The following ZNF385D variants were observed in gnomAD, a reference collection of about 807,000 sequenced individuals.
ZNF385D encodes the protein zinc finger protein 385D, also known as zinc finger protein 659.
A neutral mutation model predicts 35.8 loss-of-function variants in ZNF385D; 15 were observed. The observed-to-expected ratio is 0.42, with a 90% CI of 0.28 to 0.64. The LOEUF (loss-of-function observed/expected upper bound fraction) is 0.64. Among genes scored for constraint, ZNF385D ranks in the 30% least tolerant of loss-of-function variants. The pLI, the probability that ZNF385D is intolerant of heterozygous loss-of-function variation, is 0.23. For synonymous variants in ZNF385D, 212 were observed against 186.8 expected (o/e 1.13, Z -1.10); for missense variants, 474 against 494.6 (o/e 0.96, Z 0.39).
chr3:22,188,350 T>C (rs903344010), intron 2 of ZNF385D, among the ~76,000 whole-genome samples: 1 of 152,158 alleles, frequency 6.6e-6, no homozygotes, highest in Non-Finnish European at 1.5e-5. Context: ...TATAATAGTC[T>C]TGCTTCACAT....
chr3:22,086,719 A>G (rs1045701599), intron 3 of ZNF385D, among the ~76,000 whole-genome samples: 1 of 152,124 alleles, frequency 6.6e-6, no homozygotes, highest in African/African-American at 2.4e-5. Context: ...TTAAGAAAAT[A>G]TGGCACATAT....
At chr3:21,637,021 T>A (rs1328023610) in intron 2 of ZNF385D, among the ~76,000 whole-genome samples, 1 of 152,094 alleles carries the variant, frequency 6.6e-6, no homozygotes, top group Non-Finnish European at 1.5e-5. Flanking sequence ...ATGTATAGAT[T>A]GTGAAGATTT....
At chr3:21,834,020 AAATT>A (rs1450272746) in intron 3 of ZNF385D, among the ~76,000 whole-genome samples, 1 of 152,204 alleles carries the variant, frequency 6.6e-6, no homozygotes, top group African/African-American at 2.4e-5. Flanking sequence ...GGTGATAACT[AAATT>A]AATACACGTA....
At chr3:22,239,178 G>T (rs1379123153) in intron 2 of ZNF385D, among the ~76,000 whole-genome samples, 1 of 151,096 alleles carries the variant, frequency 6.6e-6, no homozygotes. Context: ...TCTAGAACAA[G>T]AGTTGGAAAA....
At chr3:21,766,093 G>C (rs1337392648) in intron 3 of ZNF385D, among the ~76,000 whole-genome samples, 1 of 152,080 alleles carries the variant, frequency 6.6e-6, no homozygotes, top group African/African-American at 2.4e-5. Flanking sequence ...AGTCATACTG[G>C]GAGAATCCAG....
intron 3 of ZNF385D, among the ~76,000 whole-genome samples, chr3:21,789,675 G>T (rs1033251790): frequency 1.3e-5 from 2 of 152,092 alleles, no homozygotes; most frequent in Non-Finnish European, 2.9e-5. Flanking sequence ...AGCCTCATTT[G>T]CCTGTATTTA....
intron 3 of ZNF385D, among the ~76,000 whole-genome samples, chr3:21,973,885 A>C (rs1703431264): frequency 6.6e-6 from 1 of 152,042 alleles, no homozygotes; most frequent in African/African-American, 2.4e-5. Flanking sequence ...AGATCTCTAC[A>C]ATGAAAACTA....
intron 2 of ZNF385D, among the ~76,000 whole-genome samples, chr3:22,332,227 C>T (rs114034890): frequency 0.01 from 1,549 of 152,174 alleles, 35 homozygotes; most frequent in African/African-American, 0.035. Context: ...GATATAAGTT[C>T]ACTCAACGGC....
At chr3:22,238,254 C>T (rs1178683876) in intron 2 of ZNF385D, among the ~76,000 whole-genome samples, 1 of 150,950 alleles carries the variant, frequency 6.6e-6, no homozygotes, top group Non-Finnish European at 1.5e-5. Context: ...TCCAACTTTG[C>T]TTTTTTGGTT....
At chr3:21,571,984 A>G (rs2063348895) in intron 2 of ZNF385D, among the ~76,000 whole-genome samples, 1 of 152,142 alleles carries the variant, frequency 6.6e-6, no homozygotes, top group Non-Finnish European at 1.5e-5. Flanking sequence ...TGCATTATCT[A>G]GGCATGATTG....
At chr3:21,472,286 T>C (rs1703943471) in intron 4 of ZNF385D, among the ~76,000 whole-genome samples, 1 of 152,064 alleles carries the variant, frequency 6.6e-6, no homozygotes, top group Admixed American at 6.6e-5. Flanking sequence ...TCTCTACTCT[T>C]GAAGAGGTTG....
At chr3:21,839,977 T>G (rs1459401486) in intron 3 of ZNF385D, among the ~76,000 whole-genome samples, 2 of 152,106 alleles carry the variant, frequency 1.3e-5, no homozygotes, top group East Asian at 3.9e-4. Context: ...TGTTTGATGC[T>G]TGTGCCTATA....
At chr3:21,938,214 T>C (rs1239841544) in intron 3 of ZNF385D, among the ~76,000 whole-genome samples, 1 of 152,244 alleles carries the variant, frequency 6.6e-6, no homozygotes, top group Admixed American at 6.5e-5. Context: ...AAGTAGGTTT[T>C]GACCCTATAG....
intron 1 of ZNF385D, among the ~76,000 whole-genome samples, chr3:21,715,590 G>C (rs548829827): frequency 1.3e-5 from 2 of 150,114 alleles, no homozygotes; most frequent in South Asian, 4.2e-4. Flanking sequence ...TAAATATATT[G>C]ATTTTTTTTT....
intron 3 of ZNF385D, among the ~76,000 whole-genome samples, chr3:21,801,344 G>C (rs945654356): frequency 3.9e-5 from 6 of 152,130 alleles, no homozygotes; most frequent in African/African-American, 1.4e-4. Context: ...CATAGAATGA[G>C]TTAGGAAGTG....
At chr3:22,136,672 C>T (rs562874370) in intron 3 of ZNF385D, among the ~76,000 whole-genome samples, 13 of 152,134 alleles carry the variant, frequency 8.5e-5, no homozygotes, top group East Asian at 3.9e-4. Flanking sequence ...ATTGCCAAAA[C>T]GTGGGAGCAA....
intron 3 of ZNF385D, among the ~76,000 whole-genome samples, chr3:21,994,869 G>T (rs368953612): frequency 4.6e-5 from 7 of 152,314 alleles, no homozygotes; most frequent in East Asian, 1.9e-4. Flanking sequence ...GGAAGTGGTG[G>T]TAAGGCTTGG....
At position 21,796,271 on chromosome 3, in the gene ZNF385D, C is replaced by T. The variant is rs972370301; in HGVS notation, c.326-131243G>A. On this transcript the variant is annotated intron_variant, in intron 3 of 5. Coordinates refer to the ZNF385D transcript ENST00000494108. ...CACATCTAGCAGCTTAAACCACACA[C>T]ATTTCCTAAATTGTTCTATTAAGAC... Among the ~76,000 whole-genome samples, 4 of 152,176 alleles carry T rather than the reference C, an allele frequency of 2.6e-5. No homozygotes were observed. In the East Asian group the frequency reaches 7.7e-4, roughly 29 times the overall value.
intron 2 of ZNF385D, among the ~76,000 whole-genome samples, chr3:22,228,585 C>G (rs1457858610): frequency 6.6e-6 from 1 of 152,198 alleles, no homozygotes; most frequent in Non-Finnish European, 1.5e-5. Flanking sequence ...TGCCCTGAAG[C>G]ACATCCTTGT....
Sources: allele counts gnomAD v4.1 joint callset (sites outside exome capture counted in the v4.1 genomes callset), GRCh38; gene constraint gnomAD v4.1.1; transcripts MANE v1.5; gene names NCBI Gene and HGNC (gene_info 2026-07-23, HGNC 2026-07-21).